Variants in GPC5 observed in about 807,000 individuals in gnomAD.
The protein encoded by GPC5 is glypican-5.
In GPC5, 47 loss-of-function variants were observed where a neutral mutation model predicts 53.9. The observed-to-expected ratio is 0.87, with a 90% CI of 0.69 to 1.11. The LOEUF is 1.11. GPC5 is among the 50% of genes most tolerant of loss of function. GPC5 has a pLI of 0.00. For missense variants in GPC5, 748 were observed against 713.1 expected (o/e 1.05, Z -0.56); for synonymous variants, 286 against 263.3 (o/e 1.09, Z -0.84).
intron 7 of GPC5, among the ~76,000 whole-genome samples, chr13:92,855,380 T>G (rs868699090): frequency 6.6e-6 from 1 of 152,022 alleles, no homozygotes; most frequent in Non-Finnish European, 1.5e-5. Flanking sequence ...TAATTAAGAT[T>G]TCACACTTCT....
chr13:91,826,379 G>C (rs954743743), intron 5 of GPC5, among the ~76,000 whole-genome samples: 2 of 152,028 alleles, frequency 1.3e-5, no homozygotes, highest in African/African-American at 2.4e-5. Flanking sequence ...TTGAAGTACA[G>C]TTTCTATTGA....
intron 2 of GPC5, among the ~76,000 whole-genome samples, chr13:91,581,654 T>TCCTG (rs1227231201): frequency 6.6e-6 from 1 of 152,222 alleles, no homozygotes; most frequent in Non-Finnish European, 1.5e-5. Context: ...GTAATTTCAA[T>TCCTG]CCTGCACAAT....
At chr13:91,740,169 T>A (rs1284292554) in intron 4 of GPC5, among the ~76,000 whole-genome samples, 1 of 152,158 alleles carries the variant, frequency 6.6e-6, no homozygotes, top group Non-Finnish European at 1.5e-5. Flanking sequence ...CTGATTACTG[T>A]CTTAGGCACT....
chr13:92,525,408 T>G (rs190863857), intron 7 of GPC5, among the ~76,000 whole-genome samples: 82 of 147,810 alleles, frequency 5.5e-4, no homozygotes, highest in Admixed American at 8.9e-4. Flanking sequence ...ACTGGGAGAA[T>G]CAAAATGAAT....
chr13:92,088,282 C>G (rs1229032229), intron 6 of GPC5, among the ~76,000 whole-genome samples: 1 of 152,046 alleles, frequency 6.6e-6, no homozygotes, highest in Non-Finnish European at 1.5e-5. Flanking sequence ...ATTCATGATA[C>G]AATGTTCTCT....
chr13:91,688,824 G>A (rs1594432324), intron 2 of GPC5, among the ~76,000 whole-genome samples: 1 of 151,954 alleles, frequency 6.6e-6, no homozygotes, highest in East Asian at 1.9e-4. Flanking sequence ...CGTTTGTAAT[G>A]CACTGGTAAA....
chr13:91,514,457 C>T (rs1021287475), intron 2 of GPC5, among the ~76,000 whole-genome samples: 4 of 152,058 alleles, frequency 2.6e-5, no homozygotes, highest in East Asian at 1.9e-4. Context: ...GTGAAATACC[C>T]GTTCATGTCC....
intron 7 of GPC5, among the ~76,000 whole-genome samples, chr13:92,172,144 G>A (rs977490054): frequency 6.6e-6 from 1 of 152,160 alleles, no homozygotes; most frequent in African/African-American, 2.4e-5. Flanking sequence ...TGAACAGATG[G>A]GTAGATGGAT....
At chr13:92,760,121 G>A (rs1875101688) in intron 7 of GPC5, among the ~76,000 whole-genome samples, 2 of 152,042 alleles carry the variant, frequency 1.3e-5, no homozygotes, top group Admixed American at 1.3e-4. Context: ...ATGTTCATCA[G>A]TGATATTTGG....
chr13:92,731,723 A>G (rs1888811281), intron 7 of GPC5, among the ~76,000 whole-genome samples: 1 of 151,534 alleles, frequency 6.6e-6, no homozygotes, highest in South Asian at 2.1e-4. Context: ...GAAAAATCCA[A>G]AGAGGAATAT....
intron 2 of GPC5, among the ~76,000 whole-genome samples, chr13:91,473,396 T>C (rs1882751135): frequency 6.6e-6 from 1 of 152,088 alleles, no homozygotes; most frequent in Non-Finnish European, 1.5e-5. Context: ...GTTCAATCAA[T>C]GGAATGATTA....
intron 7 of GPC5, among the ~76,000 whole-genome samples, chr13:92,406,554 T>C (rs1024981489): frequency 2.0e-5 from 3 of 152,170 alleles, no homozygotes; most frequent in African/African-American, 4.8e-5. Flanking sequence ...CTCTGCTCCA[T>C]TGTGTGGGGG....
intron 4 of GPC5, among the ~76,000 whole-genome samples, chr13:91,739,076 A>C (rs2036873831): frequency 6.6e-6 from 1 of 151,574 alleles, no homozygotes. Context: ...TATTTTCACA[A>C]GGTCTTGAAT....
intron 7 of GPC5, among the ~76,000 whole-genome samples, chr13:92,190,140 C>T (rs1347558333): frequency 1.3e-5 from 2 of 152,060 alleles, no homozygotes; most frequent in Non-Finnish European, 2.9e-5. Context: ...CTGACTTCTC[C>T]TCAGAAACCA....
intron 5 of GPC5, among the ~76,000 whole-genome samples, chr13:91,817,824 A>G (rs1476918514): frequency 1.3e-5 from 2 of 152,200 alleles, no homozygotes; most frequent in African/African-American, 2.4e-5. Flanking sequence ...ATCTTATGTG[A>G]TAAAGAACTT....
At chr13:92,773,791 T>C (rs1368054681) in intron 7 of GPC5, among the ~76,000 whole-genome samples, 1 of 152,118 alleles carries the variant, frequency 6.6e-6, no homozygotes. Context: ...CCTAAAGCTT[T>C]TGTATTAGTT....
intron 7 of GPC5, among the ~76,000 whole-genome samples, chr13:92,221,144 C>T (rs1390378661): frequency 6.6e-6 from 1 of 152,136 alleles, no homozygotes; most frequent in Non-Finnish European, 1.5e-5. Context: ...AGAGGACTTG[C>T]TAGTTAATAA....
In GPC5 at chr13:92,573,887, ACTT is replaced by A. The variant is rs995992770; in HGVS notation, c.1562-292388_1562-292386del. ...CAGTCCACCTGCACCCTGAAGAGGG[ACTT>A]CTTCTTTGCTTGTCTAGTGAATGTG... On this transcript the variant is annotated intron_variant, in intron 7 of 7. Coordinates refer to ENST00000377067, the MANE Select transcript of GPC5 (RefSeq NM_004466.6). 5.9e-5 allele frequency among the ~76,000 whole-genome samples: 9 copies of A among 152,210 alleles called. No individual in the cohort carries two copies. The South Asian group carries it at 6.2e-4, about 11-fold the overall frequency.
chr13:92,432,014 C>G (rs1877109132), intron 7 of GPC5, among the ~76,000 whole-genome samples: 2 of 152,242 alleles, frequency 1.3e-5, no homozygotes, highest in South Asian at 4.1e-4. Flanking sequence ...TATGTTAAAG[C>G]CCCAATGTGA....
Sources: allele counts gnomAD v4.1 joint callset (sites outside exome capture counted in the v4.1 genomes callset), GRCh38; gene constraint gnomAD v4.1.1; transcripts MANE v1.5; gene names NCBI Gene and HGNC (gene_info 2026-07-23, HGNC 2026-07-21).